The following SUPT20H variants were observed in gnomAD, a reference collection of about 807,000 sequenced individuals.
SUPT20H encodes SPT20 homolog, SAGA complex component, also known as transcription factor SPT20 homolog.
In SUPT20H, 82 loss-of-function variants were observed where a neutral mutation model predicts 122.8. The observed-to-expected ratio is 0.67, with a 90% CI of 0.56 to 0.80. The LOEUF is 0.80. Ranked by LOEUF, SUPT20H falls within the 30% of genes least tolerant of loss-of-function variation. SUPT20H has a pLI of 0.00. For synonymous variants in SUPT20H, 291 were observed against 313.0 expected (o/e 0.93, Z 0.74); for missense variants, 831 against 921.6 (o/e 0.90, Z 1.27).
intron 15 of SUPT20H, among the ~76,000 whole-genome samples, chr13:37,026,544 C>G (rs932203467): frequency 3.3e-5 from 5 of 152,082 alleles, no homozygotes; most frequent in African/African-American, 1.2e-4. Flanking sequence ...TATACCCTTA[C>G]AACTATTGAT....
chr13:37,009,593 AAAAC>A lies in SUPT20H; in HGVS notation c.*75_*78del, dbSNP rs1016903370. 11 of 1,570,432 alleles carry A rather than the reference AAAAC, an allele frequency of 7.0e-6. No homozygotes were observed. Among genetic ancestry groups the A allele is most frequent in the African/African-American group, 4.1e-5 (3 of 73,972 alleles). ...AATGTAAAATACTGACACATTAAAA[AAAAC>A]AAAAAGTAGAAACTCAATTCTTTTG... On this transcript the variant is annotated 3_prime_UTR_variant, in exon 26 of 26. Coordinates refer to ENST00000350612, the MANE Select transcript of SUPT20H (RefSeq NM_001014286.3).
At chr13:37,047,648 T>A (rs1322075144) in intron 4 of SUPT20H, 47 bp from the exon 5 acceptor site, 4 of 1,325,362 alleles carry the variant, frequency 3.0e-6, no homozygotes, top group Non-Finnish European at 4.0e-6. Context: ...AACAGAGTAA[T>A]CATCATGACA....
At position 37,031,616 on chromosome 13, in the gene SUPT20H, T is replaced by C. The variant is rs1329519986; in HGVS notation, c.872A>G (p.Asp291Gly). ...ATTACAGGGACTCCGTTTCCACATATCTACACACTGAAAAATTAAAAACAA... is the reference window on the plus strand; with the variant it reads ...ATTACAGGGACTCCGTTTCCACATACCTACACACTGAAAAATTAAAAACAA... ...LKISKAGNCVDMWKRSPCNLA... is the reference protein window; with the variant it reads ...LKISKAGNCVGMWKRSPCNLA... The change falls in exon 12 of 26, where the codon GAT becomes GGT. Residue 291 changes from aspartate to glycine, a missense_variant. Asp to Gly is a moderately conservative substitution (Grantham distance 94, BLOSUM62 -1). Coordinates refer to ENST00000350612, the MANE Select transcript of SUPT20H (RefSeq NM_001014286.3). 6.4e-7 allele frequency: 1 copy of C among 1,567,254 alleles called. No homozygotes were observed. Among genetic ancestry groups the C allele is most frequent in the Non-Finnish European group, 8.6e-7 (1 of 1,165,300 alleles).
chr13:37,043,577 T>C (rs563253776), intron 7 of SUPT20H, among the ~76,000 whole-genome samples: 1 of 152,294 alleles, frequency 6.6e-6, no homozygotes, highest in South Asian at 2.1e-4. Flanking sequence ...TACGTTTCAG[T>C]ATACCCTAAA....
chr13:37,019,423 A>G, intron 21 of SUPT20H, 26 bp from the exon 22 acceptor site: 1 of 1,538,232 alleles, frequency 6.5e-7, no homozygotes, highest in East Asian at 2.3e-5. Flanking sequence ...CATGGTTATA[A>G]CAGAATTGAA....
chr13:37,041,132 C>T (rs946542688), intron 7 of SUPT20H, among the ~76,000 whole-genome samples: 1 of 152,162 alleles, frequency 6.6e-6, no homozygotes, highest in Non-Finnish European at 1.5e-5. Flanking sequence ...CTAGATATAA[C>T]TTCTATATTT....
At chr13:37,040,854 C>A (rs962212218) in intron 7 of SUPT20H, among the ~76,000 whole-genome samples, 162 bp from the exon 8 acceptor site, 1 of 152,124 alleles carries the variant, frequency 6.6e-6, no homozygotes, top group Non-Finnish European at 1.5e-5. Context: ...ACTATGTAAA[C>A]CTTTTCAGAG....
chr13:37,040,185 G>A (rs1278947523), intron 9 of SUPT20H: 3 of 424,132 alleles, frequency 7.1e-6, no homozygotes, highest in Admixed American at 8.5e-5. Context: ...GAATATATTA[G>A]GCCAGCTTGA....
In SUPT20H at chr13:37,024,098, C is replaced by T; in HGVS notation, c.1528G>A (p.Val510Met). 16 of 1,613,630 alleles carry T rather than the reference C, an allele frequency of 9.9e-6. No individual in the cohort carries two copies. Among genetic ancestry groups the T allele is most frequent in the Non-Finnish European group, 1.4e-5 (16 of 1,179,712 alleles). Residue 510 changes from valine to methionine, a missense_variant, in exon 19 of 26, where the codon GTG (valine) becomes ATG (methionine). Val to Met is a conservative substitution (Grantham distance 21). Transcript: ENST00000350612. ...KPSSIPRKSS[V>M]DLNQVSMLSP... ...AGCATGCTAACTTGATTGAGATCCA[C>T]AGATGATTTCCGAGGAATACTTGAT...
At position 37,022,055 on chromosome 13, in the gene SUPT20H, T is replaced by C; in HGVS notation, c.1617A>G (p.Ala539=). The C allele has an allele frequency of 6.2e-7, 1 of 1,613,724 alleles. No individual in the cohort carries two copies. Among genetic ancestry groups the C allele is most frequent in the Non-Finnish European group, 8.5e-7 (1 of 1,179,746 alleles). ...TGATGAAGTTAAGTCCAGCAGAGTTTGCCATGACCTGGGTGGCCGTGGTTC... is the reference window on the plus strand; with the variant it reads ...TGATGAAGTTAAGTCCAGCAGAGTTCGCCATGACCTGGGTGGCCGTGGTTC... ...SQRTTATQVM[A]NSAGLNFINV... Residue 539 remains alanine, a synonymous_variant, in exon 20 of 26, where the codon GCA becomes GCG. Coordinates refer to ENST00000350612, the MANE Select transcript of SUPT20H (RefSeq NM_001014286.3). This position sits in a 1 kb window ranked among gnomAD's most constrained non-coding sequence, Gnocchi z 4.5.
At position 37,022,514 on chromosome 13, in the gene SUPT20H, C is replaced by G. The variant is rs1310293556; in HGVS notation, c.1592-434G>C. 1 of 1,237,292 alleles carries G rather than the reference C, an allele frequency of 8.1e-7. No individual in the cohort carries two copies. Among genetic ancestry groups the G allele is most frequent in the African/African-American group, 1.6e-5 (1 of 64,218 alleles). 76.6% of individuals were successfully genotyped at this position (1,237,292 alleles called of 1,614,324 possible). A position where few individuals can be genotyped will look rare whatever the true frequency, so the allele number is the denominator to read the frequency against. On this transcript the variant is annotated intron_variant, in intron 19 of 25. Coordinates refer to ENST00000350612, the MANE Select transcript of SUPT20H (RefSeq NM_001014286.3). This position sits in a 1 kb window ranked among gnomAD's most constrained non-coding sequence, Gnocchi z 4.5. ...AATTACAATTAAGGATGCAGTATAT[C>G]ACCTAAAAATCCCATTAAAGATGCT... is the stretch of plus-strand genomic sequence containing the variant.
intron 9 of SUPT20H, chr13:37,038,268 T>G (rs2064869753): frequency 6.6e-6 from 1 of 152,222 alleles, no homozygotes; most frequent in Non-Finnish European, 1.5e-5. Flanking sequence ...AAACTTTTAT[T>G]TTTTAAAAGT....
intron 6 of SUPT20H, 38 bp from the exon 7 acceptor site, chr13:37,044,219 C>A: frequency 6.6e-7 from 1 of 1,519,420 alleles, no homozygotes; most frequent in South Asian, 1.2e-5. Context: ...TGATCATGCT[C>A]ACTGAAAGCT....
chr13:37,050,366 A>AAAC (rs1555315006), intron 2 of SUPT20H, among the ~76,000 whole-genome samples: 4 of 151,010 alleles, frequency 2.6e-5, no homozygotes, highest in African/African-American at 9.7e-5. Context: ...AAAAAAAAAA[A>AAAC]AAAACTTATA....
intron 9 of SUPT20H, among the ~76,000 whole-genome samples, chr13:37,034,747 A>C (rs1359323586): frequency 6.6e-6 from 1 of 152,268 alleles, no homozygotes; most frequent in African/African-American, 2.4e-5. Context: ...TCATAGCTAG[A>C]GAGAAGTCAA....
In SUPT20H at chr13:37,050,962, C is replaced by T. The variant is rs188224597; in HGVS notation, c.3+526G>A. On this transcript the variant is annotated intron_variant, in intron 2 of 25. Transcript: ENST00000350612. ...TTAAAACATTAAAAAGTGTTTTTCT[C>T]CCTTAGTCTGTCATTTCTTAATGGC... Among the ~76,000 whole-genome samples, 9 of 152,282 alleles carry T rather than the reference C, an allele frequency of 5.9e-5. No homozygotes were observed. The East Asian group carries it at 1.7e-3, about 29-fold the overall frequency.
chr13:37,047,366 TG>T, intron 5 of SUPT20H, 168 bp downstream of exon 5: 1 of 607,514 alleles, frequency 1.6e-6, no homozygotes, highest in Non-Finnish European at 2.5e-6. Context: ...GATCTCTGCC[TG>T]GTGCCAGATT....
At chr13:37,058,630 CTG>C (rs951551806) in intron 1 of SUPT20H, among the ~76,000 whole-genome samples, 4 of 152,178 alleles carry the variant, frequency 2.6e-5, no homozygotes, top group African/African-American at 9.7e-5. Context: ...TGTGAGGAAA[CTG>C]TAATCATTAT....
At position 37,022,509 on chromosome 13, in the gene SUPT20H, T is replaced by C; in HGVS notation, c.1592-429A>G. The stretch of plus-strand genomic sequence containing the variant: ...CACTCAATTACAATTAAGGATGCAG[T>C]ATATCACCTAAAAATCCCATTAAAG... On this transcript the variant is annotated intron_variant, in intron 19 of 25. Coordinates refer to ENST00000350612, the MANE Select transcript of SUPT20H (RefSeq NM_001014286.3). This position sits in a 1 kb window ranked among gnomAD's most constrained non-coding sequence, Gnocchi z 4.5. 8.1e-7 allele frequency: 1 copy of C among 1,240,234 alleles called. No homozygotes were observed. The highest frequency in any genetic ancestry group is 1.0e-6 in the Non-Finnish European group (1 of 992,858). 76.8% of individuals were successfully genotyped at this position (1,240,234 alleles called of 1,614,324 possible).
Sources: allele counts gnomAD v4.1 joint callset (sites outside exome capture counted in the v4.1 genomes callset), GRCh38; gene constraint gnomAD v4.1.1; non-coding constraint Gnocchi (gnomAD v3.1); transcripts MANE v1.5; gene names NCBI Gene and HGNC (gene_info 2026-07-23, HGNC 2026-07-21).